Variants in ELP3 observed in about 807,000 individuals in gnomAD.
ELP3 encodes the protein elongator acetyltransferase complex subunit 3.
Under a neutral mutation model 74.9 loss-of-function variants are expected in ELP3, and 56 were observed. The ratio of observed to expected loss-of-function variants is 0.75; its 90% confidence interval spans 0.60 to 0.93. The LOEUF is 0.93. ELP3 is among the 40% of genes least tolerant of loss of function. The pLI, the probability that ELP3 is intolerant of heterozygous loss-of-function variation, is 0.00. For synonymous variants in ELP3, 222 were observed against 239.8 expected (o/e 0.93, Z 0.68); for missense variants, 573 against 686.5 (o/e 0.83, Z 1.85).
intron 13 of ELP3, among the ~76,000 whole-genome samples, chr8:28,161,610 GAAAA>G (rs1163846087): frequency 1.7e-4 from 10 of 60,600 alleles, no homozygotes; most frequent in African/African-American, 3.2e-4. Context: ...CGTCTCAAGA[GAAAA>G]AAAAAAAAAA....
intron 7 of ELP3, among the ~76,000 whole-genome samples, chr8:28,127,176 T>C (rs1001058410): frequency 6.6e-6 from 1 of 152,206 alleles, no homozygotes; most frequent in African/African-American, 2.4e-5. Flanking sequence ...TGATGACTTA[T>C]AAAGAGACCT....
Position 28,107,925 on chromosome 8 carries a change from T to A in ELP3, c.342T>A (p.Gly114=). The A allele has an allele frequency of 6.2e-7, 1 of 1,614,028 alleles. No individual in the cohort carries two copies. The highest frequency in any genetic ancestry group is 8.5e-7 in the Non-Finnish European group (1 of 1,179,962). Residue 114 remains glycine, a synonymous_variant, in exon 5 of 15, where the codon GGT becomes GGA. Transcript: ENST00000256398. ...GTTGTACTGGCAGATACTGCCCTGG[T>A]GGACCTGATTCTGATTTTGAGTATT... ...FTGNICVYCP[G]GPDSDFEYST... is the part of the protein sequence containing the mutation.
intron 9 of ELP3, among the ~76,000 whole-genome samples, chr8:28,134,136 G>A (rs1275552861): frequency 6.6e-6 from 1 of 152,150 alleles, no homozygotes; most frequent in Non-Finnish European, 1.5e-5. Context: ...CCCGGGGTAT[G>A]ATGTTCCCCA....
intron 6 of ELP3, 86 bp downstream of exon 6, chr8:28,110,524 A>G (rs1030287993): frequency 8.5e-7 from 1 of 1,174,766 alleles, no homozygotes; most frequent in African/African-American, 1.6e-5. Flanking sequence ...ATTGAACCTG[A>G]AATAAGAATG....
rs145070359 is a variant in ELP3, at chr8:28,182,610, C to A, written c.1568-7039C>A. Among the ~76,000 whole-genome samples, 1,141 of 152,262 alleles carry A rather than the reference C, an allele frequency of 7.5e-3. 4 individuals are homozygous for A. Among genetic ancestry groups the A allele is most frequent in the Middle Eastern group, 0.014 (4 of 294 alleles). ...CTGGGTTTGTTCTCCACCCACCCCCCCTTTTTTTTGGCCTTTGGTTAGTCT... is the reference window on the plus strand; with the variant it reads ...CTGGGTTTGTTCTCCACCCACCCCCACTTTTTTTTGGCCTTTGGTTAGTCT... On this transcript the variant is annotated intron_variant, in intron 14 of 14. Coordinates refer to ENST00000256398, the MANE Select transcript of ELP3 (RefSeq NM_018091.6).
intron 14 of ELP3, among the ~76,000 whole-genome samples, chr8:28,163,278 T>G (rs1041847091): frequency 6.6e-6 from 1 of 152,224 alleles, no homozygotes; most frequent in Non-Finnish European, 1.5e-5. Flanking sequence ...TCATCCAGCA[T>G]GTTTGTTTTC....
chr8:28,101,764 A>G (rs1273175782), intron 3 of ELP3, among the ~76,000 whole-genome samples: 1 of 151,682 alleles, frequency 6.6e-6, no homozygotes, highest in African/African-American at 2.4e-5. Context: ...TAATTTTTGT[A>G]TTTTCAGTAG....
chr8:28,107,916 C>T lies in ELP3; in HGVS notation c.333C>T (p.Tyr111=). Reference sequence around the variant, plus strand: ...TGTTCTTTTGTTGTACTGGCAGATACTGCCCTGGTGGACCTGATTCTGATT... The same window carrying T: ...TGTTCTTTTGTTGTACTGGCAGATATTGCCCTGGTGGACCTGATTCTGATT... ...HISFTGNICV[Y]CPGGPDSDFE... The change falls in exon 5 of 15, where the codon TAC becomes TAT. Residue 111 remains tyrosine, a synonymous_variant. Transcript: ENST00000256398. 2 of 1,613,830 alleles carry T rather than the reference C, an allele frequency of 1.2e-6. No homozygotes were observed. The highest frequency in any genetic ancestry group is 1.7e-6 in the Non-Finnish European group (2 of 1,179,850).
At chr8:28,111,990 A>G (rs1016470850) in intron 6 of ELP3, among the ~76,000 whole-genome samples, 23 of 152,198 alleles carry the variant, frequency 1.5e-4, no homozygotes, top group Non-Finnish European at 2.5e-4. Context: ...ACATGCATAT[A>G]TATAGTTTTT....
rs185107639 is a variant in ELP3, at chr8:28,175,918, T to A, written c.1568-13731T>A. Reference sequence around the variant, plus strand: ...CAACCTCCGCCTCGCGGTTTCAAGCTATTCTCCTGCCTCAGCCTCCCTAGT... The same window carrying A: ...CAACCTCCGCCTCGCGGTTTCAAGCAATTCTCCTGCCTCAGCCTCCCTAGT... On this transcript the variant is annotated intron_variant, in intron 14 of 14. Coordinates refer to ENST00000256398, the MANE Select transcript of ELP3 (RefSeq NM_018091.6). 8.5e-3 allele frequency among the ~76,000 whole-genome samples: 1,262 copies of A among 148,014 alleles called. 15 individuals are homozygous for A. Among genetic ancestry groups the A allele is most frequent in the African/African-American group, 0.03 (1,212 of 40,226 alleles).
intron 3 of ELP3, among the ~76,000 whole-genome samples, chr8:28,105,775 T>G (rs1040885194): frequency 6.6e-6 from 1 of 152,236 alleles, no homozygotes; most frequent in African/African-American, 2.4e-5. Context: ...TCTCTGATAG[T>G]AAGAAGCCTG....
intron 3 of ELP3, among the ~76,000 whole-genome samples, chr8:28,105,568 C>A (rs1811655942): frequency 6.6e-6 from 1 of 152,204 alleles, no homozygotes; most frequent in African/African-American, 2.4e-5. Flanking sequence ...CTGCCAGACT[C>A]TCTCAGTGGA....
intron 7 of ELP3, among the ~76,000 whole-genome samples, chr8:28,122,695 G>A (rs1812421099): frequency 6.6e-6 from 1 of 151,974 alleles, no homozygotes; most frequent in Admixed American, 6.6e-5. Context: ...CCCGAGTTAG[G>A]GGTTTATCAA....
chr8:28,148,567 T>G (rs571817628), intron 10 of ELP3, among the ~76,000 whole-genome samples: 15 of 152,328 alleles, frequency 9.8e-5, no homozygotes, highest in Admixed American at 7.2e-4. Flanking sequence ...GTGTTAGCGA[T>G]AGGCATTTTT....
intron 7 of ELP3, among the ~76,000 whole-genome samples, chr8:28,122,273 A>G (rs1160032284): frequency 6.6e-6 from 1 of 152,108 alleles, no homozygotes; most frequent in Non-Finnish European, 1.5e-5. Context: ...TTTTGTTGTC[A>G]GGTATTCGTT....
chr8:28,150,875 AG>A (rs1435116305), intron 10 of ELP3, among the ~76,000 whole-genome samples: 1 of 152,150 alleles, frequency 6.6e-6, no homozygotes, highest in African/African-American at 2.4e-5. Context: ...TTTTAGAGAC[AG>A]GGTCTCACTC....
In ELP3 at chr8:28,114,271, G is replaced by A. The variant is rs74449715; in HGVS notation, c.617+1098G>A. ...GGCTCTGAAATGGGAAGCAGCCTGG[G>A]GTGTTCTAGGGACAGAGAGGAAGCC... On this transcript the variant is annotated intron_variant, in intron 7 of 14. Coordinates refer to ENST00000256398, the MANE Select transcript of ELP3 (RefSeq NM_018091.6). Among the ~76,000 whole-genome samples the A allele has an allele frequency of 9.7e-3, 1,479 of 152,122 alleles. 25 individuals carry two copies. The highest frequency in any genetic ancestry group is 0.034 in the African/African-American group (1,391 of 41,496).
At chr8:28,173,579 A>G (rs1180415474) in intron 14 of ELP3, among the ~76,000 whole-genome samples, 1 of 127,242 alleles carries the variant, frequency 7.9e-6, no homozygotes, top group South Asian at 2.5e-4. Context: ...CTCTATCTTC[A>G]CTCTAATCTA....
intron 14 of ELP3, among the ~76,000 whole-genome samples, chr8:28,164,598 A>G (rs1462833125): frequency 2.0e-5 from 3 of 152,172 alleles, no homozygotes; most frequent in East Asian, 1.9e-4. Context: ...ATTGCTCTCT[A>G]TAGGGGAAAC....
Sources: gnomAD v4.1 joint callset for allele counts (sites outside exome capture counted in the v4.1 genomes callset) on GRCh38, gnomAD v4.1.1 for gene constraint, MANE v1.5 for transcripts, NCBI Gene and HGNC (gene_info 2026-07-23, HGNC 2026-07-21) for gene names.